CYREN: variants seen among roughly 807,000 people sequenced by gnomAD.
CYREN encodes the protein cell cycle regulator of NHEJ.
CYREN carries 7 observed loss-of-function variants against 9.7 expected under a neutral mutation model. The ratio of observed to expected loss-of-function variants is 0.72; its 90% confidence interval spans 0.41 to 1.36. CYREN has a LOEUF of 1.36. Among genes scored for constraint, CYREN ranks in the 40% most tolerant of loss-of-function variants. The probability of loss-of-function intolerance (pLI) is 0.01; values close to 1 mark genes in which losing one functional copy is unlikely to be tolerated. For missense variants in CYREN, 215 were observed against 198.1 expected, an observed-to-expected ratio of 1.09 and a Z score of -0.51; for synonymous variants, 76 against 77.9, an observed-to-expected ratio of 0.98 and a Z score of 0.13.
intron 2 of CYREN, among the ~76,000 whole-genome samples, chr7:135,106,170 CA>C (rs1014511348): frequency 2.0e-5 from 3 of 152,082 alleles, no homozygotes; most frequent in Non-Finnish European, 4.4e-5. Context: ...ATGTTGTCTG[CA>C]AACAGGCATA....
chr7:135,135,932 G>C (rs1017160847), intron 2 of CYREN, among the ~76,000 whole-genome samples: 1 of 152,042 alleles, frequency 6.6e-6, no homozygotes, highest in Non-Finnish European at 1.5e-5. Context: ...TGTAGCAAAG[G>C]TGTAAAGATG....
intron 2 of CYREN, among the ~76,000 whole-genome samples, chr7:135,125,846 C>G (rs543647634): frequency 1.3e-5 from 2 of 152,230 alleles, no homozygotes; most frequent in African/African-American, 2.4e-5. Flanking sequence ...ATTCAACATC[C>G]CTTCATGTTA....
chr7:135,135,779 T>G (rs915149440), intron 2 of CYREN: 8 of 152,308 alleles, frequency 5.3e-5, no homozygotes, highest in South Asian at 2.1e-4. Flanking sequence ...CAGAATAAGA[T>G]AAAGTGTTAA....
At chr7:135,110,686 G>T (rs2117132668) in intron 2 of CYREN, among the ~76,000 whole-genome samples, 1 of 152,324 alleles carries the variant, frequency 6.6e-6, no homozygotes, top group South Asian at 2.1e-4. Context: ...TGAATCCAAT[G>T]TGTGTACCTG....
Position 135,167,718 on chromosome 7 carries a change from T to C in CYREN, c.213+14A>G, listed in dbSNP as rs762926088. On this transcript the variant is annotated intron_variant, in intron 3 of 3. Transcript: ENST00000393114. ...GAGTTTCTGGTCATGAGTAAGAGGC[T>C]TGTCTGACTTTACCTCAATCAGGAT... 1.9e-6 allele frequency: 3 copies of C among 1,613,960 alleles called. No individual in the cohort carries two copies. The highest frequency in any genetic ancestry group is 1.1e-5 in the South Asian group (1 of 91,078).
chr7:135,138,749 T>G (rs554706424), intron 2 of CYREN, among the ~76,000 whole-genome samples: 1 of 152,062 alleles, frequency 6.6e-6, no homozygotes, highest in South Asian at 2.1e-4. Flanking sequence ...CCTCCCACCC[T>G]TCACCCTCAA....
Position 135,145,010 on chromosome 7 carries a change from T to C in CYREN, n.356+23739A>G, listed in dbSNP as rs936668176. Among the ~76,000 whole-genome samples the C allele has an allele frequency of 3.5e-5, 4 of 113,134 alleles. No homozygotes were observed. In the East Asian group the frequency reaches 1.2e-3, roughly 33 times the overall value. The allele number at this position is 113,134 out of a possible 152,430, so 74.2% of individuals were successfully genotyped here. Reference sequence around the variant, plus strand: ...AATATTTTAGACCTCCAGTTAAAAATGGCAAACTGGATACACATTCAATTT... The same window carrying C: ...AATATTTTAGACCTCCAGTTAAAAACGGCAAACTGGATACACATTCAATTT... On this transcript the variant is annotated intron_variant and non_coding_transcript_variant, in intron 2 of 2. Transcript: ENST00000459937.
intron 2 of CYREN, among the ~76,000 whole-genome samples, chr7:135,109,895 A>G (rs181850763): frequency 5.9e-5 from 9 of 152,334 alleles, no homozygotes; most frequent in Non-Finnish European, 7.4e-5. Context: ...TGGAAGCTCT[A>G]TACCAGGGAG....
At chr7:135,129,430 TG>T in intron 2 of CYREN, 1 of 785,874 alleles carries the variant, frequency 1.3e-6, no homozygotes, top group South Asian at 1.3e-5. Flanking sequence ...CAGAAGGCAC[TG>T]GAAGAGATGG....
At chr7:135,148,830 A>G (rs1322003920) in intron 2 of CYREN, among the ~76,000 whole-genome samples, 1 of 152,206 alleles carries the variant, frequency 6.6e-6, no homozygotes, top group Non-Finnish European at 1.5e-5. Context: ...ATTGCTCCTC[A>G]TGCCCCAGTG....
chr7:135,172,254 A>G (rs970101803), upstream of CYREN, among the ~76,000 whole-genome samples: 3 of 152,246 alleles, frequency 2.0e-5, no homozygotes, highest in African/African-American at 4.8e-5. Flanking sequence ...TGGCCTGATC[A>G]CCCACAGCAT....
downstream of CYREN, among the ~76,000 whole-genome samples, chr7:135,163,993 C>T (rs1459744077): frequency 6.6e-6 from 1 of 152,244 alleles, no homozygotes; most frequent in African/African-American, 2.4e-5. Context: ...GTGGTGAAAA[C>T]CAATAGCTTC....
At chr7:135,109,062 C>T (rs1446378886) in intron 2 of CYREN, among the ~76,000 whole-genome samples, 1 of 152,064 alleles carries the variant, frequency 6.6e-6, no homozygotes, top group Non-Finnish European at 1.5e-5. Context: ...TTTATACTGC[C>T]TATTTTGTTT....
At chr7:135,126,243 C>T (rs1827847234) in intron 2 of CYREN, among the ~76,000 whole-genome samples, 1 of 152,146 alleles carries the variant, frequency 6.6e-6, no homozygotes, top group Non-Finnish European at 1.5e-5. Context: ...TTCCTTTACA[C>T]CAACATAGAT....
chr7:135,122,843 A>T (rs995437305), intron 2 of CYREN, among the ~76,000 whole-genome samples: 1 of 152,156 alleles, frequency 6.6e-6, no homozygotes, highest in Non-Finnish European at 1.5e-5. Flanking sequence ...AGCAACAACA[A>T]CAGTATCAAC....
Position 135,168,305 on chromosome 7 carries a change from C to CG in CYREN, c.137+480_137+481insC, listed in dbSNP as rs1554393057. 2.2e-4 allele frequency: 19 copies of CG among 87,840 alleles called. 5 individuals are homozygous for CG. The highest frequency in any genetic ancestry group is 1.6e-3 in the South Asian group (3 of 1,922). The allele number at this position is 87,840 out of a possible 1,614,324, so 5.4% of individuals were successfully genotyped here. ...GGAGACTCACCACCCCCCCCCCGCC[C>CG]CCCCCCGGCAATTACCGTCATTCAA... On this transcript the variant is annotated intron_variant, in intron 2 of 3. Coordinates refer to ENST00000393114, the MANE Select transcript of CYREN (RefSeq NM_024033.4).
intron 2 of CYREN, among the ~76,000 whole-genome samples, chr7:135,122,402 C>A (rs971614498): frequency 6.6e-6 from 1 of 152,206 alleles, no homozygotes; most frequent in African/African-American, 2.4e-5. Context: ...GGCCTGAGCC[C>A]CTAGCGGGAG....
At chr7:135,171,340 A>G (rs1830649024), upstream of CYREN, among the ~76,000 whole-genome samples, 1 of 148,530 alleles carries the variant, frequency 6.7e-6, no homozygotes. Flanking sequence ...AAAAAAAGGA[A>G]GTGAAATCAA....
upstream of CYREN, among the ~76,000 whole-genome samples, chr7:135,171,619 A>C (rs1270608076): frequency 1.3e-5 from 2 of 152,206 alleles, no homozygotes; most frequent in Non-Finnish European, 2.9e-5. Context: ...AAAGCGACAG[A>C]AATTGTGCAC....
Sources: allele counts gnomAD v4.1 joint callset (sites outside exome capture counted in the v4.1 genomes callset), GRCh38; gene constraint gnomAD v4.1.1; transcripts MANE v1.5; gene names NCBI Gene and HGNC (gene_info 2026-07-23, HGNC 2026-07-21).